The following ADAMTS6 variants were observed in gnomAD, a reference collection of about 807,000 sequenced individuals.
ADAMTS6 encodes the protein ADAM metallopeptidase with thrombospondin type 1 motif 6, also known as A disintegrin and metalloproteinase with thrombospondin motifs 6.
ADAMTS6 carries 23 observed loss-of-function variants against 144.3 expected under a neutral mutation model. That is an observed-to-expected ratio of 0.16 (90% CI 0.11 to 0.23). The LOEUF (loss-of-function observed/expected upper bound fraction) is 0.23, where lower values mean the gene tolerates loss of function less well. Among genes scored for constraint, ADAMTS6 ranks in the 10% least tolerant of loss-of-function variants. The pLI is 1.00. For missense variants in ADAMTS6, 999 were observed against 1,379.6 expected, an observed-to-expected ratio of 0.72 and a Z score of 4.37; for synonymous variants, 444 against 457.5, an observed-to-expected ratio of 0.97 and a Z score of 0.38.
Position 65,232,033 on chromosome 5 carries a change from C to T in ADAMTS6, c.1934-5814G>A, listed in dbSNP as rs567253308. ...GGCTGAGGCAGGAGAATCACTTGAC[C>T]CTGGGAAGTGGAGGTTGCAGTCAGC... On this transcript the variant is annotated intron_variant, in intron 15 of 24. Transcript: ENST00000381055. Among the ~76,000 whole-genome samples the T allele has an allele frequency of 3.3e-5, 5 of 152,196 alleles. No individual in the cohort carries two copies. In the South Asian group the frequency reaches 8.3e-4, roughly 25 times the overall value.
At chr5:65,291,524 C>G (rs1167809423) in intron 10 of ADAMTS6, 54 bp from the exon 11 acceptor site, 1 of 1,520,768 alleles carries the variant, frequency 6.6e-7, no homozygotes, top group Admixed American at 2.1e-5. Context: ...CTATTTTAGT[C>G]ACAATTATGA....
chr5:65,194,611 C>T lies in ADAMTS6; in HGVS notation c.2705+2411G>A, dbSNP rs759507029. ...TTTTGAAGAATTAAAATTTCCTTTT[C>T]CATAGTCTGAATTCAAAAGACTAAA... On this transcript the variant is annotated intron_variant, in intron 21 of 24. Coordinates refer to ENST00000381055, the MANE Select transcript of ADAMTS6 (RefSeq NM_197941.4). Among the ~76,000 whole-genome samples the T allele has an allele frequency of 1.7e-4, 26 of 152,196 alleles. No individual in the cohort carries two copies. The Middle Eastern group carries it at 0.01, about 60-fold the overall frequency.
At chr5:65,277,900 C>T (rs10074941) in intron 11 of ADAMTS6, among the ~76,000 whole-genome samples, 77,050 of 151,456 alleles carry the variant, frequency 0.51, 19,683 homozygotes, top group Admixed American at 0.53. Flanking sequence ...TGAATTATAC[C>T]GTGGTGAATT....
chr5:65,191,201 T>C lies in ADAMTS6; in HGVS notation c.2706-2981A>G, dbSNP rs149418555. On this transcript the variant is annotated intron_variant, in intron 21 of 24. Coordinates refer to ENST00000381055, the MANE Select transcript of ADAMTS6 (RefSeq NM_197941.4). ...ATAGCTATTAGACATTAACAATTAG[T>C]GGGATTCATGTTCGAGTGTCTGAAA... 3.1e-3 allele frequency among the ~76,000 whole-genome samples: 478 copies of C among 152,180 alleles called. 10 individuals carry two copies. The highest frequency in any genetic ancestry group is 9.7e-3 in the African/African-American group (403 of 41,540).
chr5:65,228,728 C>T (rs1177304680), intron 15 of ADAMTS6, among the ~76,000 whole-genome samples: 2 of 152,172 alleles, frequency 1.3e-5, no homozygotes. Context: ...TTGATTCTCC[C>T]ACAGGGGAAA....
At chr5:65,383,991 G>A (rs1306175278) in intron 7 of ADAMTS6, among the ~76,000 whole-genome samples, 4 of 152,178 alleles carry the variant, frequency 2.6e-5, no homozygotes, top group African/African-American at 4.8e-5. Flanking sequence ...ATCTGTGAAG[G>A]AGCACTGCAT....
intron 7 of ADAMTS6, among the ~76,000 whole-genome samples, chr5:65,435,395 T>TA (rs1382114047): frequency 1.3e-5 from 2 of 152,112 alleles, no homozygotes; most frequent in African/African-American, 4.8e-5. Context: ...GCAAATATGA[T>TA]AAAAATGTTT....
At chr5:65,306,746 A>G (rs1459119339) in intron 9 of ADAMTS6, among the ~76,000 whole-genome samples, 1 of 152,204 alleles carries the variant, frequency 6.6e-6, no homozygotes, top group Admixed American at 6.6e-5. Context: ...TGTGCCAAAC[A>G]TAGTAGGTAT....
chr5:65,266,236 T>G (rs911853185), intron 12 of ADAMTS6, among the ~76,000 whole-genome samples: 3 of 151,922 alleles, frequency 2.0e-5, no homozygotes, highest in Non-Finnish European at 2.9e-5. Context: ...ATTCTTTAGG[T>G]AAATGATAAA....
intron 7 of ADAMTS6, among the ~76,000 whole-genome samples, chr5:65,367,958 T>C (rs1750460956): frequency 6.6e-6 from 1 of 151,990 alleles, no homozygotes; most frequent in African/African-American, 2.4e-5. Context: ...CATGGCATAT[T>C]TTACTACAAA....
intron 10 of ADAMTS6, chr5:65,297,180 T>A (rs1249020766): frequency 2.2e-6 from 1 of 454,902 alleles, no homozygotes; most frequent in Admixed American, 2.4e-5. Context: ...GGTTCTTTAT[T>A]ATTTAATCAG....
At chr5:65,247,217 A>G (rs1275885821) in intron 14 of ADAMTS6, among the ~76,000 whole-genome samples, 4 of 152,188 alleles carry the variant, frequency 2.6e-5, no homozygotes, top group African/African-American at 4.8e-5. Flanking sequence ...CAAAGAAATA[A>G]ATTAATAATA....
At chr5:65,300,457 G>C (rs76907712) in intron 9 of ADAMTS6, among the ~76,000 whole-genome samples, 2,064 of 152,114 alleles carry the variant, frequency 0.014, 44 homozygotes, top group African/African-American at 0.047. Flanking sequence ...AAAGATAAAC[G>C]ACCTGCTAAA....
intron 9 of ADAMTS6, among the ~76,000 whole-genome samples, chr5:65,304,564 C>G (rs1328251588): frequency 1.3e-5 from 2 of 152,104 alleles, no homozygotes; most frequent in Non-Finnish European, 2.9e-5. Flanking sequence ...TCCCAAGTCG[C>G]TGGGACCACA....
intron 3 of ADAMTS6, among the ~76,000 whole-genome samples, chr5:65,468,187 TA>T (rs1239012760): frequency 6.6e-6 from 1 of 152,126 alleles, no homozygotes; most frequent in Admixed American, 6.5e-5. Flanking sequence ...GTCCCAGCAC[TA>T]AAACTATGGG....
At position 65,299,567 on chromosome 5, in the gene ADAMTS6, G is replaced by T. The variant is rs575244583; in HGVS notation, c.1370+418C>A. Among the ~76,000 whole-genome samples the T allele has an allele frequency of 8.6e-5, 13 of 151,080 alleles. No individual in the cohort carries two copies. The East Asian group carries it at 1.2e-3, about 13-fold the overall frequency. On this transcript the variant is annotated intron_variant, in intron 10 of 24. Transcript: ENST00000381055. ...AAAGTGTTCATTTCCTTGGTGTTTG[G>T]TTTTTTTTTGTTGTTGTTGTTGTTT...
intron 3 of ADAMTS6, among the ~76,000 whole-genome samples, chr5:65,466,928 G>C (rs1412765205): frequency 1.3e-5 from 2 of 151,882 alleles, no homozygotes; most frequent in African/African-American, 4.8e-5. Context: ...TGTAGTCCCA[G>C]CTACTCGGGA....
chr5:65,265,992 GT>G (rs1009250852), intron 12 of ADAMTS6, among the ~76,000 whole-genome samples: 18 of 148,414 alleles, frequency 1.2e-4, no homozygotes, highest in Admixed American at 6.1e-4. Context: ...TAATACTAGA[GT>G]TTTTTTTTTA....
At chr5:65,342,902 A>C (rs1156843756) in intron 7 of ADAMTS6, among the ~76,000 whole-genome samples, 1 of 152,122 alleles carries the variant, frequency 6.6e-6, no homozygotes, top group African/African-American at 2.4e-5. Context: ...ATTTCTATAC[A>C]TAAATGAACT....
Sources: gnomAD v4.1 joint callset for allele counts (sites outside exome capture counted in the v4.1 genomes callset) on GRCh38, gnomAD v4.1.1 for gene constraint, MANE v1.5 for transcripts, NCBI Gene and HGNC (gene_info 2026-07-23, HGNC 2026-07-21) for gene names.